Variants in CATSPER3 observed in about 807,000 individuals in gnomAD.
CATSPER3 encodes cation channel sperm associated 3.
CATSPER3 carries 23 observed loss-of-function variants against 36.6 expected under a neutral mutation model. That is an observed-to-expected ratio of 0.63 (90% CI 0.45 to 0.89). The LOEUF (loss-of-function observed/expected upper bound fraction) is 0.89. Ranked by LOEUF, CATSPER3 falls within the 40% of genes least tolerant of loss-of-function variation. The pLI is 0.00. For synonymous variants in CATSPER3, 172 were observed against 184.1 expected, an observed-to-expected ratio of 0.93 and a Z score of 0.53; for missense variants, 474 against 503.9, an observed-to-expected ratio of 0.94 and a Z score of 0.57.
Position 135,011,636 on chromosome 5 carries a change from CA to C in CATSPER3, c.*14del. On this transcript the variant is annotated 3_prime_UTR_variant, in exon 8 of 8. Transcript: ENST00000282611. ...GGATGAGAAGTAGCTGGGCATGGGGCACCCATGTGCCGAGAGCCTTGCAGAC... is the reference window on the plus strand; with the variant it reads ...GGATGAGAAGTAGCTGGGCATGGGGCCCCATGTGCCGAGAGCCTTGCAGAC... 6.4e-7 allele frequency: 1 copy of C among 1,573,548 alleles called. No individual in the cohort carries two copies. The highest frequency in any genetic ancestry group is 8.7e-7 in the Non-Finnish European group (1 of 1,143,970).
At chr5:134,971,645 A>G (rs892954209) in intron 2 of CATSPER3, among the ~76,000 whole-genome samples, 2 of 152,336 alleles carry the variant, frequency 1.3e-5, no homozygotes, top group East Asian at 1.9e-4. Context: ...GTCTAATCCA[A>G]TACTGGGCTA....
intron 3 of CATSPER3, among the ~76,000 whole-genome samples, chr5:135,001,739 T>C (rs1752022290): frequency 6.6e-6 from 1 of 152,200 alleles, no homozygotes; most frequent in Non-Finnish European, 1.5e-5. Context: ...TCTCTTTTGA[T>C]CTTTGTTGGT....
chr5:134,989,076 A>T (rs188634942), intron 2 of CATSPER3, among the ~76,000 whole-genome samples: 1 of 152,312 alleles, frequency 6.6e-6, no homozygotes, highest in African/African-American at 2.4e-5. Context: ...ATGGGCAGTA[A>T]CATTTTGAAA....
chr5:134,981,189 C>T (rs1751747174), intron 2 of CATSPER3, among the ~76,000 whole-genome samples: 1 of 151,668 alleles, frequency 6.6e-6, no homozygotes, highest in Non-Finnish European at 1.5e-5. Flanking sequence ...TTGCTTGAGA[C>T]ATTTAAGAAA....
chr5:134,995,933 T>C (rs1213908212), intron 2 of CATSPER3: 9 of 384,900 alleles, frequency 2.3e-5, no homozygotes, highest in African/African-American at 1.8e-4. Flanking sequence ...ATATTCATGT[T>C]GGTCAGAAAA....
chr5:135,008,181 A>G, intron 4 of CATSPER3, 42 bp downstream of exon 4: 4 of 1,543,890 alleles, frequency 2.6e-6, no homozygotes, highest in South Asian at 1.1e-5. Context: ...GGGCCTTAGG[A>G]AGGGACAGCC....
intron 2 of CATSPER3, among the ~76,000 whole-genome samples, chr5:134,983,513 G>A (rs1751773192): frequency 6.6e-6 from 1 of 152,120 alleles, no homozygotes; most frequent in Non-Finnish European, 1.5e-5. Context: ...CAATCTGGGT[G>A]ACAGAGTGAG....
chr5:135,006,848 A>AAAAAT (rs1302292627), intron 3 of CATSPER3, among the ~76,000 whole-genome samples: 5 of 142,172 alleles, frequency 3.5e-5, no homozygotes, highest in African/African-American at 1.3e-4. Context: ...AAAAAAAAAA[A>AAAAAT]AATAATAATA....
chr5:135,003,086 A>T (rs1315635305), intron 3 of CATSPER3, among the ~76,000 whole-genome samples: 2 of 152,056 alleles, frequency 1.3e-5, no homozygotes, highest in Non-Finnish European at 2.9e-5. Context: ...TTGTGGTTTT[A>T]TCTACCTTTG....
intron 6 of CATSPER3, among the ~76,000 whole-genome samples, chr5:135,009,838 A>G (rs1284482814): frequency 6.6e-6 from 1 of 152,164 alleles, no homozygotes; most frequent in Non-Finnish European, 1.5e-5. Context: ...CAGGCCACTG[A>G]GTGGACGAGG....
At chr5:135,008,542 G>A (rs1752119795) in intron 4 of CATSPER3, among the ~76,000 whole-genome samples, 1 of 152,244 alleles carries the variant, frequency 6.6e-6, no homozygotes, top group Non-Finnish European at 1.5e-5. Flanking sequence ...TCTGGAAAGA[G>A]TGGGGTCTTT....
At chr5:135,009,746 C>T (rs1752155149) in intron 6 of CATSPER3, among the ~76,000 whole-genome samples, 1 of 152,214 alleles carries the variant, frequency 6.6e-6, no homozygotes, top group South Asian at 2.1e-4. Context: ...GGCAGAACTC[C>T]ACTGCTGGGC....
chr5:134,992,600 C>G (rs1366640972), intron 2 of CATSPER3, among the ~76,000 whole-genome samples: 1 of 151,980 alleles, frequency 6.6e-6, no homozygotes, highest in Non-Finnish European at 1.5e-5. Flanking sequence ...TGGTGGGCAC[C>G]AGTAATCCCA....
intron 3 of CATSPER3, among the ~76,000 whole-genome samples, chr5:135,007,056 TTGTTTC>T (rs1752098552): frequency 6.6e-6 from 1 of 152,140 alleles, no homozygotes; most frequent in African/African-American, 2.4e-5. Context: ...CTGTACTGCC[TTGTTTC>T]TTAGCTCTAA....
intron 2 of CATSPER3, among the ~76,000 whole-genome samples, chr5:134,991,904 G>C (rs1194078255): frequency 6.6e-6 from 1 of 152,178 alleles, no homozygotes; most frequent in South Asian, 2.1e-4. Context: ...GCCGAGGTGG[G>C]AGGATTGCTT....
At chr5:134,991,692 G>T (rs1751880923) in intron 2 of CATSPER3, among the ~76,000 whole-genome samples, 1 of 152,124 alleles carries the variant, frequency 6.6e-6, no homozygotes, top group African/African-American at 2.4e-5. Flanking sequence ...ACTTTTAGAA[G>T]AAAACATAGG....
chr5:134,977,487 C>T (rs1196208959), intron 2 of CATSPER3, among the ~76,000 whole-genome samples: 1 of 149,584 alleles, frequency 6.7e-6, no homozygotes, highest in African/African-American at 2.6e-5. Context: ...ATAGACTCCA[C>T]ATTTCCATCT....
intron 3 of CATSPER3, among the ~76,000 whole-genome samples, chr5:135,005,135 G>T (rs1362821511): frequency 6.6e-6 from 1 of 152,198 alleles, no homozygotes; most frequent in Admixed American, 6.5e-5. Context: ...ACCCAGACTG[G>T]CACCTCAAGG....
intron 5 of CATSPER3, 83 bp from the exon 6 acceptor site, chr5:135,009,288 G>A (rs1055375214): frequency 1.5e-5 from 21 of 1,413,548 alleles, no homozygotes; most frequent in African/African-American, 4.2e-5. Context: ...CCTGAGCAGC[G>A]GTGCAAGACT....
Sources: gnomAD v4.1 joint callset for allele counts (sites outside exome capture counted in the v4.1 genomes callset) on GRCh38, gnomAD v4.1.1 for gene constraint, MANE v1.5 for transcripts, NCBI Gene and HGNC (gene_info 2026-07-23, HGNC 2026-07-21) for gene names.